The following TRERF1 variants were observed in gnomAD, a reference collection of about 807,000 sequenced individuals.
TRERF1 encodes the protein transcriptional regulating factor 1.
A neutral mutation model predicts 122.9 loss-of-function variants in TRERF1; 27 were observed. The observed-to-expected ratio is 0.22, with a 90% CI of 0.16 to 0.30. TRERF1 has a LOEUF of 0.30. TRERF1 is among the 10% of genes least tolerant of loss of function. The pLI, the probability that TRERF1 is intolerant of heterozygous loss-of-function variation, is 1.00. For synonymous variants in TRERF1, 636 were observed against 641.7 expected, an observed-to-expected ratio of 0.99 and a Z score of 0.13; for missense variants, 1,248 against 1,560.3, an observed-to-expected ratio of 0.80 and a Z score of 3.37.
At chr6:42,359,860 T>C (rs1771378643) in intron 3 of TRERF1, among the ~76,000 whole-genome samples, 1 of 152,122 alleles carries the variant, frequency 6.6e-6, no homozygotes, top group South Asian at 2.1e-4. Context: ...AATTTTAAAA[T>C]CCCTATATTC....
chr6:42,374,600 C>T (rs1351875799), intron 2 of TRERF1, among the ~76,000 whole-genome samples: 4 of 152,214 alleles, frequency 2.6e-5, no homozygotes, highest in Non-Finnish European at 5.9e-5. Context: ...CTCTGACTGA[C>T]AGAGCAAGAC....
intron 4 of TRERF1, among the ~76,000 whole-genome samples, chr6:42,285,823 C>CAAAAA (rs1783112341): frequency 1.3e-5 from 2 of 151,538 alleles, no homozygotes; most frequent in Admixed American, 6.6e-5. Flanking sequence ...AAAAAAGAGC[C>CAAAAA]CGCATCGCCA....
intron 2 of TRERF1, among the ~76,000 whole-genome samples, chr6:42,412,857 G>A (rs550563368): frequency 6.6e-6 from 1 of 152,250 alleles, no homozygotes; most frequent in Non-Finnish European, 1.5e-5. Context: ...GAGGTGGGAG[G>A]ATCACTTGAA....
At chr6:42,294,244 C>A (rs1180526955) in intron 4 of TRERF1, among the ~76,000 whole-genome samples, 1 of 140,956 alleles carries the variant, frequency 7.1e-6, no homozygotes, top group Non-Finnish European at 1.5e-5. Flanking sequence ...TGCAGTGGTG[C>A]AATCTCAGCT....
At chr6:42,295,900 T>C (rs751246063) in intron 4 of TRERF1, among the ~76,000 whole-genome samples, 7 of 152,100 alleles carry the variant, frequency 4.6e-5, no homozygotes, top group Non-Finnish European at 8.8e-5. Flanking sequence ...AAACGACACA[T>C]GTCTAGGTGT....
At chr6:42,364,912 A>G (rs950869544) in intron 2 of TRERF1, among the ~76,000 whole-genome samples, 2 of 152,190 alleles carry the variant, frequency 1.3e-5, no homozygotes, top group African/African-American at 4.8e-5. Flanking sequence ...CGCAGGAAGC[A>G]TGGGGATCCC....
At chr6:42,367,640 G>A (rs1463723120) in intron 2 of TRERF1, among the ~76,000 whole-genome samples, 1 of 152,144 alleles carries the variant, frequency 6.6e-6, no homozygotes, top group African/African-American at 2.4e-5. Context: ...AAGCATGGGA[G>A]GGATTTGGGC....
Position 42,268,695 on chromosome 6 carries a change from T to C in TRERF1, c.896A>G (p.Gln299Arg), listed in dbSNP as rs773585776. The C allele has an allele frequency of 6.2e-7, 1 of 1,614,156 alleles. No homozygotes were observed. The highest frequency in any genetic ancestry group is 8.5e-7 in the Non-Finnish European group (1 of 1,180,020). ...CTGCTGCTGTGGCGGCGGCTGTGGC[T>C]GTGATGGGCGAATTTGTTGCGGCTG... The change falls in exon 5 of 18, where the codon CAG becomes CGG. Residue 299 changes from glutamine to arginine, a missense_variant. Coordinates refer to ENST00000372922, the Ensembl canonical transcript of TRERF1. This position sits in a 1 kb window ranked among gnomAD's most constrained non-coding sequence, Gnocchi z 4.4.
intron 2 of TRERF1, among the ~76,000 whole-genome samples, chr6:42,380,794 C>A (rs990247186): frequency 6.6e-6 from 1 of 152,228 alleles, no homozygotes; most frequent in Non-Finnish European, 1.5e-5. Context: ...GATAGCACAG[C>A]CTTTGCACGG....
chr6:42,442,939 C>G (rs901389167), intron 2 of TRERF1, among the ~76,000 whole-genome samples: 1 of 152,156 alleles, frequency 6.6e-6, no homozygotes, highest in South Asian at 2.1e-4. Context: ...TTTTACTTCT[C>G]GAGCCTCAGT....
chr6:42,236,187 C>T lies in TRERF1; in HGVS notation c.3066+18G>A, dbSNP rs374343075. ...CTCTCACTTGTCCCAGATCCCCAGA[C>T]GACACAGACACACTTACAGCCCCAC... On this transcript the variant is annotated intron_variant, in intron 16 of 17. Transcript: ENST00000372922. 1.2e-5 allele frequency: 19 copies of T among 1,545,514 alleles called. No individual in the cohort carries two copies. Among genetic ancestry groups the T allele is most frequent in the South Asian group, 2.5e-5 (2 of 78,498 alleles).
intron 2 of TRERF1, among the ~76,000 whole-genome samples, chr6:42,412,283 G>A (rs1349386273): frequency 6.6e-6 from 1 of 152,168 alleles, no homozygotes; most frequent in Non-Finnish European, 1.5e-5. Context: ...TTACAGGCGT[G>A]AGCCACCACG....
At chr6:42,281,596 AG>A (rs1782310959) in intron 4 of TRERF1, among the ~76,000 whole-genome samples, 1 of 152,220 alleles carries the variant, frequency 6.6e-6, no homozygotes, top group Admixed American at 6.5e-5. Flanking sequence ...TAGAAAGTGA[AG>A]GAGCCAATCC....
At chr6:42,379,779 C>A (rs1775591204) in intron 2 of TRERF1, among the ~76,000 whole-genome samples, 4 of 152,220 alleles carry the variant, frequency 2.6e-5, no homozygotes, top group Admixed American at 2.6e-4. Context: ...GATCCACCCA[C>A]TTTGGCTTCC....
At chr6:42,373,726 G>A (rs1364473446) in intron 2 of TRERF1, among the ~76,000 whole-genome samples, 1 of 151,794 alleles carries the variant, frequency 6.6e-6, no homozygotes, top group South Asian at 2.1e-4. Flanking sequence ...AGCTACTCAG[G>A]GGGCTGAGTC....
At chr6:42,437,177 C>T (rs776996695) in intron 2 of TRERF1, among the ~76,000 whole-genome samples, 1 of 152,130 alleles carries the variant, frequency 6.6e-6, no homozygotes, top group Non-Finnish European at 1.5e-5. Context: ...TAGGGACACA[C>T]AAGGGCACTC....
In TRERF1 at chr6:42,269,401, C is replaced by A; in HGVS notation, c.190G>T (p.Gly64Cys). ...TTGGAGCCAACAGGCAAGCCCAGACCATCCCGTGTATCTTGAGGGAAGTGG... is the reference window on the plus strand; with the variant it reads ...TTGGAGCCAACAGGCAAGCCCAGACAATCCCGTGTATCTTGAGGGAAGTGG... Residue 64 changes from glycine to cysteine, a missense_variant, in exon 5 of 18, where the codon GGT becomes TGT. Physicochemically the swap from Gly to Cys is radical, Grantham distance 159. Coordinates refer to ENST00000372922, the Ensembl canonical transcript of TRERF1. This position sits in a 1 kb window ranked among gnomAD's most constrained non-coding sequence, Gnocchi z 4.9. 6.2e-7 allele frequency: 1 copy of A among 1,614,214 alleles called. No homozygotes were observed. The highest frequency in any genetic ancestry group is 1.1e-5 in the South Asian group (1 of 91,090).
intron 2 of TRERF1, among the ~76,000 whole-genome samples, chr6:42,380,500 A>G (rs1428123637): frequency 1.3e-5 from 2 of 152,218 alleles, no homozygotes; most frequent in Non-Finnish European, 2.9e-5. Flanking sequence ...CTGGACCTCC[A>G]TATTCTCCTC....
intron 4 of TRERF1, among the ~76,000 whole-genome samples, chr6:42,286,544 C>G (rs1215105494): frequency 7.0e-6 from 1 of 143,098 alleles, no homozygotes; most frequent in Non-Finnish European, 1.5e-5. Flanking sequence ...TGAAAAAACG[C>G]TCATCATCAC....
Sources: allele counts gnomAD v4.1 joint callset (sites outside exome capture counted in the v4.1 genomes callset), GRCh38; gene constraint gnomAD v4.1.1; non-coding constraint Gnocchi (gnomAD v3.1); transcripts MANE v1.5; gene names NCBI Gene and HGNC (gene_info 2026-07-23, HGNC 2026-07-21).